The following CORO2B variants were observed in gnomAD, a reference collection of about 807,000 sequenced individuals.
CORO2B encodes coronin 2B.
Under a neutral mutation model 58.8 loss-of-function variants are expected in CORO2B, and 26 were observed. That is an observed-to-expected ratio of 0.44 (90% CI 0.32 to 0.61). The LOEUF is 0.61. Ranked by LOEUF, CORO2B falls within the 20% of genes least tolerant of loss-of-function variation. The pLI is 0.04. For missense variants in CORO2B, 460 were observed against 645.1 expected, an observed-to-expected ratio of 0.71 and a Z score of 3.11; for synonymous variants, 242 against 253.8, an observed-to-expected ratio of 0.95 and a Z score of 0.44.
At chr15:68,663,117 A>G (rs1902067328) in intron 2 of CORO2B, among the ~76,000 whole-genome samples, 1 of 152,230 alleles carries the variant, frequency 6.6e-6, no homozygotes, top group African/African-American at 2.4e-5. Flanking sequence ...TCAGAGGTCA[A>G]TCTTTTTTAC....
intron 1 of CORO2B, among the ~76,000 whole-genome samples, chr15:68,611,575 T>C (rs751351866): frequency 2.0e-5 from 3 of 152,206 alleles, no homozygotes; most frequent in Non-Finnish European, 2.9e-5. Flanking sequence ...CATGTCATAG[T>C]TAATTACTAC....
chr15:68,727,334 C>A lies in CORO2B; in HGVS notation c.*1360C>A, dbSNP rs1596045378. The A allele has an allele frequency of 1.3e-5, 2 of 152,728 alleles. No individual in the cohort carries two copies. Among genetic ancestry groups the A allele is most frequent in the South Asian group, 4.1e-4 (2 of 4,822 alleles). 9.5% of individuals were successfully genotyped at this position (152,728 alleles called of 1,614,324 possible). On this transcript the variant is annotated 3_prime_UTR_variant, in exon 12 of 12. Transcript: ENST00000261861. ...TCTGAGATGCCACATTTCATTTGAT[C>A]TTGTACACATTTTCTTTTATTCCTT...
At chr15:68,718,265 C>G (rs191606228) in intron 8 of CORO2B, among the ~76,000 whole-genome samples, 24 of 152,360 alleles carry the variant, frequency 1.6e-4, no homozygotes, top group Admixed American at 1.3e-3. Flanking sequence ...CCTCCTTTCT[C>G]TCTCAGGACT....
At chr15:68,698,497 T>A (rs1892566746) in intron 3 of CORO2B, among the ~76,000 whole-genome samples, 1 of 152,186 alleles carries the variant, frequency 6.6e-6, no homozygotes, top group Non-Finnish European at 1.5e-5. Context: ...CCATGGTTTG[T>A]GTCCAAGAAA....
At chr15:68,610,327 A>G (rs914871617) in intron 1 of CORO2B, among the ~76,000 whole-genome samples, 1 of 152,104 alleles carries the variant, frequency 6.6e-6, no homozygotes, top group Admixed American at 6.5e-5. Flanking sequence ...GAAGTGCTGC[A>G]CTTGCCTCAA....
At chr15:68,543,954 C>G in the CORO2B span, among the ~76,000 whole-genome samples, 1 of 152,208 alleles carries the variant, frequency 6.6e-6, no homozygotes, top group Admixed American at 6.5e-5. Flanking sequence ...CTCAAGTCCT[C>G]TACTCAGACC....
chr15:68,714,132 G>T (rs8028291), intron 6 of CORO2B, 91 bp downstream of exon 6: 1 of 792,230 alleles, frequency 1.3e-6, no homozygotes. Context: ...GCCTGGGCCC[G>T]CACACCAGCT....
chr15:68,605,711 G>GTTTTTTTTTT (rs35340917), intron 1 of CORO2B, among the ~76,000 whole-genome samples: 1 of 99,142 alleles, frequency 1.0e-5, no homozygotes, highest in Non-Finnish European at 1.9e-5. Flanking sequence ...GGGCTCTTGG[G>GTTTTTTTTTT]TTTTTTTTTT....
At chr15:68,607,719 G>C (rs996848265) in intron 1 of CORO2B, among the ~76,000 whole-genome samples, 1 of 151,798 alleles carries the variant, frequency 6.6e-6, no homozygotes, top group African/African-American at 2.4e-5. Flanking sequence ...TTGGGACGCT[G>C]AGGTGAGAGG....
chr15:68,722,738 TA>T (rs1205991871), intron 11 of CORO2B, among the ~76,000 whole-genome samples: 7 of 152,222 alleles, frequency 4.6e-5, no homozygotes, highest in African/African-American at 1.2e-4. Context: ...TAACAAAAAA[TA>T]TTTTTTTAAG....
At chr15:68,558,980 GT>G in the CORO2B span, among the ~76,000 whole-genome samples, 2 of 152,044 alleles carry the variant, frequency 1.3e-5, no homozygotes, top group African/African-American at 4.8e-5. Context: ...AGGAATGAGC[GT>G]GTCTGTCTTT....
chr15:68,616,257 A>G (rs577939345), intron 1 of CORO2B, among the ~76,000 whole-genome samples: 76 of 152,342 alleles, frequency 5.0e-4, no homozygotes, highest in African/African-American at 1.8e-3. Context: ...CCTCTTCCCC[A>G]TCACCTCAGA....
rs562497372 is a variant in CORO2B, at chr15:68,725,967, A to T, written c.1436A>T (p.Asn479Ile). Residue 479 changes from asparagine to isoleucine, a missense_variant, in exon 12 of 12, where the codon AAC (asparagine) becomes ATC (isoleucine). Around this residue, in one of 2 missense-constraint regions of CORO2B, gnomAD observed 108 missense variants for 102.1 expected, o/e 1.06. Coordinates refer to ENST00000261861, the MANE Select transcript of CORO2B (RefSeq NM_006091.5). ...ELKNLRNSPK[N>I]C ...AAAAACTTGCGCAACAGCCCCAAGA[A>T]CTGTTAGCTCCCCAGCTGGGCTGTT... 1.9e-6 allele frequency: 3 copies of T among 1,613,622 alleles called. No homozygotes were observed. The highest frequency in any genetic ancestry group is 4.5e-5 in the East Asian group (2 of 44,870).
chr15:68,654,910 C>T (rs1901755829), intron 2 of CORO2B, among the ~76,000 whole-genome samples: 1 of 152,210 alleles, frequency 6.6e-6, no homozygotes, highest in Non-Finnish European at 1.5e-5. Flanking sequence ...GTATGCCTAG[C>T]AGTGAGCTAC....
At chr15:68,539,228 G>A in the CORO2B span, among the ~76,000 whole-genome samples, 210 of 152,200 alleles carry the variant, frequency 1.4e-3, 1 homozygote, top group East Asian at 0.038. Context: ...TCTCTGTAGC[G>A]CCCTCTACTG....
At chr15:68,707,216 AAAC>A (rs746037370) in intron 3 of CORO2B, among the ~76,000 whole-genome samples, 1 of 152,190 alleles carries the variant, frequency 6.6e-6, no homozygotes, top group South Asian at 2.1e-4. Flanking sequence ...ACACAAATCC[AAAC>A]AACAGGTGGC....
chr15:68,659,335 A>G (rs1901934389), intron 2 of CORO2B, among the ~76,000 whole-genome samples: 1 of 152,242 alleles, frequency 6.6e-6, no homozygotes, highest in Non-Finnish European at 1.5e-5. Context: ...CTTACCAATA[A>G]CATAAACAGT....
chr15:68,718,819 G>A lies in CORO2B; in HGVS notation c.1080+9G>A. ...TGATCGTGCCCCGGAGGGTAAGTGG[G>A]GCTGGGCTGGGCTCCAGGAGGGGGG... On this transcript the variant is annotated intron_variant, in intron 9 of 11. Transcript: ENST00000261861. 1.9e-6 allele frequency: 3 copies of A among 1,605,172 alleles called. No homozygotes were observed. The highest frequency in any genetic ancestry group is 2.6e-6 in the Non-Finnish European group (3 of 1,172,272).
At chr15:68,701,155 C>T (rs4776419) in intron 3 of CORO2B, among the ~76,000 whole-genome samples, 138,003 of 152,116 alleles carry the variant, frequency 0.91, 63,285 homozygotes, top group East Asian at 1. Flanking sequence ...GCCAGTGCGC[C>T]GAGTGGGTCT....
Sources: allele counts gnomAD v4.1 joint callset (sites outside exome capture counted in the v4.1 genomes callset), GRCh38; gene constraint gnomAD v4.1.1; regional missense constraint gnomAD v4.1.1; transcripts MANE v1.5; gene names NCBI Gene and HGNC (gene_info 2026-07-23, HGNC 2026-07-21).